The following EIF2B5 variants were observed in gnomAD, a reference collection of about 807,000 sequenced individuals.
EIF2B5 encodes the protein translation initiation factor eIF2B subunit epsilon.
In EIF2B5, 38 loss-of-function variants were observed where a neutral mutation model predicts 87.3. That is an observed-to-expected ratio of 0.44 (90% CI 0.34 to 0.57). The LOEUF (loss-of-function observed/expected upper bound fraction) is 0.57, where lower values mean the gene tolerates loss of function less well. Among genes scored for constraint, EIF2B5 ranks in the 20% least tolerant of loss-of-function variants. The pLI is 0.02. For missense variants in EIF2B5, 784 were observed against 909.5 expected (o/e 0.86, Z 1.78); for synonymous variants, 313 against 339.6 (o/e 0.92, Z 0.86).
At chr3:184,137,215 G>A (rs1180316166) in intron 2 of EIF2B5, 2 of 352,058 alleles carry the variant, frequency 5.7e-6, no homozygotes, top group African/African-American at 4.2e-5. Flanking sequence ...GCTTATGGAA[G>A]TCCAGGATGT....
rs773141690 is a variant in EIF2B5, at chr3:184,137,967, C to A, written c.576C>A (p.His192Gln). The A allele has an allele frequency of 6.2e-7, 1 of 1,614,208 alleles. No individual in the cohort carries two copies. Among genetic ancestry groups the A allele is most frequent in the Non-Finnish European group, 8.5e-7 (1 of 1,180,036 alleles). The change falls in exon 4 of 16, where the codon CAC (histidine) becomes CAA (glutamine). Residue 192 changes from histidine to glutamine, a missense_variant. By Grantham distance (24) the His-to-Gln change is conservative. This residue lies in a region of EIF2B5 where 660 missense variants were observed against 789.5 expected (regional missense o/e 0.84). Transcript: ENST00000648915. Reference sequence around the variant, plus strand: ...TCTTCAAGGAGTCATCCCCCAGCCACCCAACTCGTTGCCACGAAGACAATG... The same window carrying A: ...TCTTCAAGGAGTCATCCCCCAGCCAACCAACTCGTTGCCACGAAGACAATG... ...TMIFKESSPS[H>Q]PTRCHEDNVV...
intron 13 of EIF2B5, 111 bp from the exon 14 acceptor site, chr3:184,143,988 C>T (rs568870655): frequency 3.6e-5 from 55 of 1,507,948 alleles, no homozygotes; most frequent in Non-Finnish European, 4.7e-5. Flanking sequence ...TTCCACAGAA[C>T]CTGTATCATC....
In EIF2B5 at chr3:184,137,991, T is replaced by C. The variant is rs757699338; in HGVS notation, c.600T>C (p.Asn200=). Residue 200 remains asparagine, a synonymous_variant, in exon 4 of 16, where the codon AAT becomes AAC. Coordinates refer to ENST00000648915, the MANE Select transcript of EIF2B5 (RefSeq NM_003907.3). ...PSHPTRCHED[N]VVVAVDSTTN... ...ACCCAACTCGTTGCCACGAAGACAA[T>C]GTGGTAGTGGCTGTGGATAGTACCA... The C allele has an allele frequency of 3.7e-6, 6 of 1,614,052 alleles. No individual in the cohort carries two copies. Among genetic ancestry groups the C allele is most frequent in the Middle Eastern group, 1.6e-4 (1 of 6,082 alleles).
Position 184,142,821 on chromosome 3 carries a change from A to T in EIF2B5, c.1589A>T (p.Glu530Val). Reference sequence around the variant, plus strand: ...GAAGAAGAGAGTGAAAGTGAAAGTGAGCAAAGTATGGATTCTGAGGAGCCG... The same window carrying T: ...GAAGAAGAGAGTGAAAGTGAAAGTGTGCAAAGTATGGATTCTGAGGAGCCG... ...NMEEESESESEQSMDSEEPDS... is the reference protein window; with the variant it reads ...NMEEESESESVQSMDSEEPDS... Residue 530 changes from glutamate to valine, a missense_variant, in exon 11 of 16, where the codon GAG becomes GTG. By Grantham distance (121) the Glu-to-Val change is moderately radical. Transcript: ENST00000648915. This position sits in a 1 kb window ranked among gnomAD's most constrained non-coding sequence, Gnocchi z 5.0. The T allele has an allele frequency of 6.2e-7, 1 of 1,614,124 alleles. No homozygotes were observed. Among genetic ancestry groups the T allele is most frequent in the Non-Finnish European group, 8.5e-7 (1 of 1,180,022 alleles).
rs141730110 is a variant in EIF2B5 at position 184,137,950 on chromosome 3, G to A, written c.559G>A (p.Glu187Lys). 1.9e-6 allele frequency: 3 copies of A among 1,614,070 alleles called. No homozygotes were observed. Among genetic ancestry groups the A allele is most frequent in the Non-Finnish European group, 2.5e-6 (3 of 1,180,040 alleles). Residue 187 changes from glutamate (E) to lysine (K), a missense_variant, in exon 4 of 16, where the codon GAG becomes AAG. Coordinates refer to ENST00000648915, the MANE Select transcript of EIF2B5 (RefSeq NM_003907.3). ...TTCTGTGATGACGATGATCTTCAAG[G>A]AGTCATCCCCCAGCCACCCAACTCG... ...NVSVMTMIFK[E>K]SSPSHPTRCH...
At chr3:184,137,109 C>T (rs1713399366) in intron 2 of EIF2B5, 1 of 347,714 alleles carries the variant, frequency 2.9e-6, no homozygotes. Context: ...AAATGAGCTC[C>T]TTGTCATCTT....
At position 184,136,601 on chromosome 3, in the gene EIF2B5, G is replaced by A. The variant is rs754345535; in HGVS notation, c.196-11G>A. On this transcript the variant is annotated splice_polypyrimidine_tract_variant and intron_variant, in intron 1 of 15. Transcript: ENST00000648915. ...GAGACCTCAAGTTTTTTTTCATCTT[G>A]TATCCTTCAGGTCCTCTTGCCCCTG... 6 of 1,613,972 alleles carry A rather than the reference G, an allele frequency of 3.7e-6. No individual in the cohort carries two copies. The South Asian group carries it at 4.4e-5, about 12-fold the overall frequency.
chr3:184,142,608 G>C lies in EIF2B5; in HGVS notation c.1546+5G>C, dbSNP rs1560109546. 1 of 1,612,790 alleles carries C rather than the reference G, an allele frequency of 6.2e-7. No individual in the cohort carries two copies. Among genetic ancestry groups the C allele is most frequent in the Non-Finnish European group, 8.5e-7 (1 of 1,179,282 alleles). On this transcript the variant is annotated splice_donor_5th_base_variant and intron_variant, in intron 10 of 15. Transcript: ENST00000648915. The surrounding 1 kb of genome is among the most constrained non-coding windows in gnomAD (Gnocchi z 5.0). ...AACTGCAGCAGAATCTGTGGGGTGA[G>C]CTAGGCCTGATGCCTGCCCTTCTCC... is the stretch of plus-strand genomic sequence containing the variant.
In EIF2B5 at chr3:184,142,723, T is replaced by G; in HGVS notation, c.1547-56T>G. 1 of 1,568,734 alleles carries G rather than the reference T, an allele frequency of 6.4e-7. No individual in the cohort carries two copies. Among genetic ancestry groups the G allele is most frequent in the Non-Finnish European group, 8.7e-7 (1 of 1,148,092 alleles). The stretch of plus-strand genomic sequence containing the variant: ...TATTCAGGCAGACAGGGCAGGTATA[T>G]TGCTCTCTGTCAATGACTCTTTTTT... On this transcript the variant is annotated intron_variant, in intron 10 of 15. Coordinates refer to ENST00000648915, the MANE Select transcript of EIF2B5 (RefSeq NM_003907.3). The surrounding 1 kb of genome is among the most constrained non-coding windows in gnomAD (Gnocchi z 5.0).
chr3:184,135,466 C>A lies in EIF2B5; in HGVS notation c.81C>A (p.Ser27Arg), dbSNP rs950072564. 3.8e-6 allele frequency: 6 copies of A among 1,580,228 alleles called. No homozygotes were observed. In the African/African-American group the frequency reaches 6.7e-5, roughly 18 times the overall value. Residue 27 changes from serine to arginine, a missense_variant, in exon 1 of 16, where the codon AGC becomes AGA. Physicochemically the swap from Ser to Arg is moderately radical, Grantham distance 110. This residue lies in a region of EIF2B5 where 117 missense variants were observed against 101.0 expected (regional missense o/e 1.16). Transcript: ENST00000648915. ...GCAGCGGCGCGGGGCCGGGAGGCAG[C>A]GGTGGCGGGGGAGCCAGAGGGGCGG... ...NKRSGAGPGG[S>R]GGGGARGAEE...
rs751002300 is a variant in EIF2B5, at chr3:184,142,299, T to C, written c.1365T>C (p.Asp455=). ...CGGTGATCTCTTTGCACCCTCCAGA[T>C]GCAGAGGAAGATGAAGATGATGGCG... ...EGSVISLHPP[D]AEEDEDDGEF... is the part of the protein sequence containing the mutation. The change falls in exon 9 of 16, where the codon GAT becomes GAC. Residue 455 remains aspartate (D), a synonymous_variant. Coordinates refer to ENST00000648915, the MANE Select transcript of EIF2B5 (RefSeq NM_003907.3). This position sits in a 1 kb window ranked among gnomAD's most constrained non-coding sequence, Gnocchi z 5.0. The C allele has an allele frequency of 1.2e-6, 2 of 1,614,116 alleles. No homozygotes were observed. Among genetic ancestry groups the C allele is most frequent in the South Asian group, 1.1e-5 (1 of 91,080 alleles).
intron 2 of EIF2B5, chr3:184,137,385 C>CA (rs1390894154): frequency 3.4e-6 from 2 of 579,822 alleles, no homozygotes; most frequent in Non-Finnish European, 6.1e-6. Context: ...GACAAGGGGT[C>CA]AAGGTATGGA....
At position 184,136,530 on chromosome 3, in the gene EIF2B5, G is replaced by C. The variant is rs111248061; in HGVS notation, c.196-82G>C. Reference sequence around the variant, plus strand: ...GCAAAATTACACTGTTTGGAAATACGAATAGAGGAGTGAAAATTGTTGCAG... The same window carrying C: ...GCAAAATTACACTGTTTGGAAATACCAATAGAGGAGTGAAAATTGTTGCAG... On this transcript the variant is annotated intron_variant, in intron 1 of 15. Transcript: ENST00000648915. 36 of 1,548,954 alleles carry C rather than the reference G, an allele frequency of 2.3e-5. No individual in the cohort carries two copies. In the South Asian group the frequency reaches 4.0e-4, roughly 17 times the overall value.
At position 184,135,570 on chromosome 3, in the gene EIF2B5, A is replaced by T. The variant is rs1560105986; in HGVS notation, c.185A>T (p.Asp62Val). 1.3e-6 allele frequency: 2 copies of T among 1,587,748 alleles called. No individual in the cohort carries two copies. The highest frequency in any genetic ancestry group is 2.3e-5 in the East Asian group (1 of 42,948). ...FDRRFFPISKDQPRVLLPLAN... is the reference protein window; with the variant it reads ...FDRRFFPISKVQPRVLLPLAN... ...CGCCGCTTCTTCCCCATCTCCAAGG[A>T]CCAGCCTCGGGTGAGCGCCGCGCAC... Residue 62 changes from aspartate (D) to valine (V), a missense_variant, in exon 1 of 16, where the codon GAC becomes GTC. Transcript: ENST00000648915.
intron 1 of EIF2B5, among the ~76,000 whole-genome samples, chr3:184,136,291 C>T (rs1303329321): frequency 6.6e-6 from 1 of 152,218 alleles, no homozygotes; most frequent in Non-Finnish European, 1.5e-5. Flanking sequence ...GGAAGAAGGC[C>T]TTAGCAATGC....
intron 12 of EIF2B5, 124 bp downstream of exon 12, chr3:184,143,266 A>G (rs1713723852): frequency 6.8e-7 from 1 of 1,463,752 alleles, no homozygotes; most frequent in Admixed American, 1.9e-5. Context: ...GACCAGTAGT[A>G]TTTGGAGCAA....
At chr3:184,144,285 CCTTGGG>C in intron 14 of EIF2B5, 61 bp downstream of exon 14, 3 of 1,609,292 alleles carry the variant, frequency 1.9e-6, no homozygotes, top group Non-Finnish European at 2.5e-6. Context: ...TTGGTGACCC[CCTTGGG>C]AGACATAAAA....
chr3:184,137,690 C>G lies in EIF2B5; in HGVS notation c.391C>G (p.Leu131Val), dbSNP rs144942694. The G allele has an allele frequency of 1.6e-4, 251 of 1,614,102 alleles. No homozygotes were observed. Among genetic ancestry groups the G allele is most frequent in the Non-Finnish European group, 2.1e-4 (242 of 1,180,060 alleles). Residue 131 changes from leucine (L) to valine (V), a missense_variant, in exon 3 of 16, where the codon CTG becomes GTG. Physicochemically the swap from Leu to Val is conservative, Grantham distance 32 (BLOSUM62 1). Coordinates refer to ENST00000648915, the MANE Select transcript of EIF2B5 (RefSeq NM_003907.3). ...AATTACATCAGAGCTCTATCGATCA[C>G]TGGGAGATGTCCTCCGTGATGTTGA... ...RIITSELYRS[L>V]GDVLRDVDAK... is the part of the protein sequence containing the mutation.
Position 184,135,373 on chromosome 3 carries a change from G to A in EIF2B5, c.-13G>A, listed in dbSNP as rs1423235333. 1.9e-6 allele frequency: 3 copies of A among 1,572,630 alleles called. No homozygotes were observed. Among genetic ancestry groups the A allele is most frequent in the Admixed American group, 1.9e-5 (1 of 51,748 alleles). On this transcript the variant is annotated 5_prime_UTR_variant, in exon 1 of 16. The change creates a new upstream start codon in the 5' untranslated region. Coordinates refer to ENST00000648915, the MANE Select transcript of EIF2B5 (RefSeq NM_003907.3). ...CAGCTTCCTTGCGGAAGTGGTGACCGTGAGAGAAGAAGATGGCGGCCCCTG... is the reference window on the plus strand; with the variant it reads ...CAGCTTCCTTGCGGAAGTGGTGACCATGAGAGAAGAAGATGGCGGCCCCTG...
Sources: allele counts gnomAD v4.1 joint callset (sites outside exome capture counted in the v4.1 genomes callset), GRCh38; gene constraint gnomAD v4.1.1; regional missense constraint gnomAD v4.1.1; non-coding constraint Gnocchi (gnomAD v3.1); transcripts MANE v1.5; gene names NCBI Gene and HGNC (gene_info 2026-07-23, HGNC 2026-07-21).